The following INSL6 variants were observed in gnomAD, a reference collection of about 807,000 sequenced individuals.
The protein encoded by INSL6 is insulin-like peptide INSL6.
In INSL6, 16 loss-of-function variants were observed where a neutral mutation model predicts 9.4. The observed-to-expected ratio is 1.70, with a 90% CI of 1.15 to 2.59. INSL6 has a LOEUF of 2.59. INSL6 is among the 30% of genes most tolerant of loss of function. INSL6 has a pLI of 0.00. For synonymous variants in INSL6, 154 were observed against 96.9 expected, an observed-to-expected ratio of 1.59 and a Z score of -3.46; for missense variants, 391 against 257.3, an observed-to-expected ratio of 1.52 and a Z score of -3.56.
the INSL6 span, chr9:5,041,584 G>A: frequency 2.0e-6 from 1 of 501,194 alleles, no homozygotes; most frequent in South Asian, 1.6e-5. Context: ...TACGTGCGGC[G>A]CCTGGACTTT....
the INSL6 span, among the ~76,000 whole-genome samples, chr9:5,034,258 AC>A: frequency 6.6e-6 from 1 of 152,190 alleles, no homozygotes; most frequent in African/African-American, 2.4e-5. Flanking sequence ...TTAGAGACCT[AC>A]AAAGAGACTT....
the INSL6 span, among the ~76,000 whole-genome samples, chr9:5,074,983 A>G: frequency 6.6e-6 from 1 of 152,208 alleles, no homozygotes; most frequent in Non-Finnish European, 1.5e-5. Flanking sequence ...AGAAAGTGAA[A>G]CAGTCTTATT....
intron 2 of INSL6, among the ~76,000 whole-genome samples, chr9:5,136,497 TA>T (rs1239841742): frequency 2.6e-5 from 4 of 152,104 alleles, no homozygotes; most frequent in African/African-American, 9.7e-5. Flanking sequence ...ATCCATCACA[TA>T]AACAGAAACA....
downstream of INSL6, among the ~76,000 whole-genome samples, chr9:5,122,364 T>G (rs1425256046): frequency 6.6e-6 from 1 of 152,114 alleles, no homozygotes; most frequent in Non-Finnish European, 1.5e-5. Flanking sequence ...TCACCCCTCT[T>G]CTGGTTAACA....
intron 2 of INSL6, among the ~76,000 whole-genome samples, chr9:5,146,942 C>T (rs1485021819): frequency 6.6e-6 from 1 of 152,080 alleles, no homozygotes; most frequent in Admixed American, 6.5e-5. Context: ...CAGGATGGGG[C>T]CCCAGGAAAG....
At chr9:5,119,888 A>G (rs968417969), downstream of INSL6, among the ~76,000 whole-genome samples, 3 of 152,228 alleles carry the variant, frequency 2.0e-5, no homozygotes, top group Admixed American at 6.5e-5. Context: ...TAAATATTTT[A>G]TACAATGAAA....
chr9:4,992,375 C>A, the INSL6 span, among the ~76,000 whole-genome samples: 1 of 152,150 alleles, frequency 6.6e-6, no homozygotes, highest in Non-Finnish European at 1.5e-5. Flanking sequence ...CTGCCATGTC[C>A]TACTGGTTGT....
the INSL6 span, chr9:5,022,097 C>T: frequency 1.9e-6 from 3 of 1,613,460 alleles, no homozygotes; most frequent in Non-Finnish European, 2.5e-6. Flanking sequence ...CAAATAGATC[C>T]AGTTCTTCAG....
the INSL6 span, among the ~76,000 whole-genome samples, chr9:5,069,459 T>C: frequency 6.6e-6 from 1 of 152,182 alleles, no homozygotes; most frequent in Non-Finnish European, 1.5e-5. Context: ...ATGTCATTTA[T>C]TGAACTGGAA....
At chr9:5,156,327 C>T (rs942841002) in intron 2 of INSL6, among the ~76,000 whole-genome samples, 1 of 152,164 alleles carries the variant, frequency 6.6e-6, no homozygotes, top group African/African-American at 2.4e-5. Context: ...CACTTCACAG[C>T]TCACTTTAGC....
the INSL6 span, among the ~76,000 whole-genome samples, chr9:4,993,304 A>G: frequency 6.6e-6 from 1 of 152,190 alleles, no homozygotes; most frequent in South Asian, 2.1e-4. Flanking sequence ...GGATCTTATA[A>G]TCACACTCTA....
At chr9:4,999,954 G>T in the INSL6 span, among the ~76,000 whole-genome samples, 1 of 152,164 alleles carries the variant, frequency 6.6e-6, no homozygotes, top group South Asian at 2.1e-4. Context: ...CTGGGTATTG[G>T]CATTCTTCTT....
the INSL6 span, among the ~76,000 whole-genome samples, chr9:5,033,182 GAGA>G: frequency 3.9e-5 from 6 of 152,170 alleles, no homozygotes; most frequent in Non-Finnish European, 5.9e-5. Context: ...GAAGTGAGAA[GAGA>G]AGTTTAGAGA....
the INSL6 span, chr9:5,054,423 G>A: frequency 6.5e-3 from 4,126 of 634,684 alleles, 151 homozygotes; most frequent in African/African-American, 0.07. This position sits in a 1 kb window ranked among gnomAD's most constrained non-coding sequence, Gnocchi z 4.9. Context: ...TGGGGGTTAT[G>A]TCAACTTACG....
At chr9:5,043,871 A>G in the INSL6 span, among the ~76,000 whole-genome samples, 1 of 152,210 alleles carries the variant, frequency 6.6e-6, no homozygotes, top group African/African-American at 2.4e-5. Context: ...CTAAAATTAG[A>G]TTGTGATATT....
chr9:5,141,105 T>C (rs932793740), intron 2 of INSL6, among the ~76,000 whole-genome samples: 18 of 152,312 alleles, frequency 1.2e-4, no homozygotes, highest in Admixed American at 9.2e-4. Context: ...TAATCCAGTC[T>C]ATCACTGACG....
At chr9:5,117,738 CACAG>C in the INSL6 span, among the ~76,000 whole-genome samples, 1 of 151,772 alleles carries the variant, frequency 6.6e-6, no homozygotes, top group Non-Finnish European at 1.5e-5. Context: ...AGATATAACT[CACAG>C]AAACAAAAGT....
intron 2 of INSL6, among the ~76,000 whole-genome samples, chr9:5,144,452 G>A (rs1483480099): frequency 1.3e-5 from 2 of 152,142 alleles, no homozygotes; most frequent in Non-Finnish European, 2.9e-5. Flanking sequence ...ATGCCAAGTG[G>A]TGATGAGATG....
chr9:5,175,344 C>T (rs978039254), intron 1 of INSL6, among the ~76,000 whole-genome samples: 4 of 152,190 alleles, frequency 2.6e-5, no homozygotes, highest in Admixed American at 2.0e-4. Context: ...TCATCCTCAT[C>T]TAAGACCCTC....
Sources: allele counts gnomAD v4.1 joint callset (sites outside exome capture counted in the v4.1 genomes callset), GRCh38; gene constraint gnomAD v4.1.1; non-coding constraint Gnocchi (gnomAD v3.1); transcripts MANE v1.5; gene names NCBI Gene and HGNC (gene_info 2026-07-23, HGNC 2026-07-21).